CALN1: variants seen among roughly 807,000 people sequenced by gnomAD.
CALN1 encodes the protein calcium-binding protein 8.
A neutral mutation model predicts 30.6 loss-of-function variants in CALN1; 17 were observed. The observed-to-expected ratio is 0.56, with a 90% confidence interval of 0.38 to 0.83. The LOEUF (loss-of-function observed/expected upper bound fraction) is 0.83, where lower values mean the gene tolerates loss of function less well. CALN1 is among the 40% of genes least tolerant of loss of function. The probability of loss-of-function intolerance (pLI) is 0.00; values close to 1 mark genes in which losing one functional copy is unlikely to be tolerated. For synonymous variants in CALN1, 156 were observed against 131.4 expected, an observed-to-expected ratio of 1.19 and a Z score of -1.28; for missense variants, 291 against 354.9, an observed-to-expected ratio of 0.82 and a Z score of 1.45.
intron 2 of CALN1, among the ~76,000 whole-genome samples, chr7:72,360,722 C>T (rs1028428086): frequency 6.7e-6 from 1 of 148,602 alleles, no homozygotes; most frequent in African/African-American, 2.5e-5. Flanking sequence ...GCACGTGTAC[C>T]CTAGAACTTA....
intron 4 of CALN1, among the ~76,000 whole-genome samples, chr7:72,060,141 C>T (rs1051762953): frequency 6.6e-6 from 1 of 152,100 alleles, no homozygotes; most frequent in African/African-American, 2.4e-5. Flanking sequence ...CTCTAACATT[C>T]AGAGAGAGTG....
the CALN1 span, among the ~76,000 whole-genome samples, chr7:72,458,123 G>C: frequency 1.3e-5 from 1 of 74,264 alleles, no homozygotes; most frequent in Non-Finnish European, 3.2e-5. Flanking sequence ...ATGAAAATTG[G>C]TTTTATAAAT....
intron 4 of CALN1, among the ~76,000 whole-genome samples, chr7:72,077,264 A>AATTAT (rs1554432654): frequency 6.6e-6 from 1 of 151,100 alleles, no homozygotes; most frequent in Admixed American, 6.6e-5. Flanking sequence ...AAGAAGGAAT[A>AATTAT]TTTATTTTAT....
At chr7:72,288,499 C>T (rs1007237371) in intron 2 of CALN1, among the ~76,000 whole-genome samples, 2 of 152,100 alleles carry the variant, frequency 1.3e-5, no homozygotes, top group African/African-American at 4.8e-5. Context: ...AGGAATTAGA[C>T]TCCACCTTTT....
chr7:72,371,115 TTAA>T (rs947262496), intron 2 of CALN1, among the ~76,000 whole-genome samples: 4 of 152,068 alleles, frequency 2.6e-5, no homozygotes, highest in African/African-American at 4.8e-5. Context: ...TTTGTTCTTA[TTAA>T]TAATGCTTTT....
chr7:72,410,084 AT>A (rs1807013134), intron 1 of CALN1, among the ~76,000 whole-genome samples: 1 of 152,214 alleles, frequency 6.6e-6, no homozygotes, highest in Admixed American at 6.5e-5. Flanking sequence ...TGTGCGGGTC[AT>A]GCCATATGGT....
intron 4 of CALN1, among the ~76,000 whole-genome samples, chr7:72,077,123 C>T (rs1368054948): frequency 6.6e-6 from 1 of 152,030 alleles, no homozygotes; most frequent in African/African-American, 2.4e-5. Flanking sequence ...TAGTTCTGAC[C>T]GTTACACCTT....
intron 4 of CALN1, among the ~76,000 whole-genome samples, chr7:72,085,667 G>T (rs1805439391): frequency 6.6e-6 from 1 of 152,202 alleles, no homozygotes; most frequent in South Asian, 2.1e-4. Context: ...TGGGGTAATA[G>T]AAATGTTTTA....
At chr7:72,090,637 A>G (rs1270576470) in intron 4 of CALN1, among the ~76,000 whole-genome samples, 1 of 152,246 alleles carries the variant, frequency 6.6e-6, no homozygotes, top group East Asian at 1.9e-4. Context: ...TCGTGTTTAC[A>G]ACAGCATTAT....
At position 72,294,362 on chromosome 7, in the gene CALN1, CTATGTT is replaced by C. The variant is rs1460552260; in HGVS notation, c.120-15558_120-15553del. Among the ~76,000 whole-genome samples the C allele has an allele frequency of 3.9e-5, 6 of 152,062 alleles. 1 individual carries two copies. The highest frequency in any genetic ancestry group is 7.4e-5 in the Non-Finnish European group (5 of 67,994). ...CAAGTGAAAGATGATGAAGGTCATT[CTATGTT>C]TGAGGGTAAAATTCAAAATGATAGC... On this transcript the variant is annotated intron_variant, in intron 2 of 6. Coordinates refer to ENST00000395275, the MANE Select transcript of CALN1 (RefSeq NM_031468.4).
intron 5 of CALN1, among the ~76,000 whole-genome samples, chr7:71,920,906 G>A (rs1321964873): frequency 2.0e-5 from 3 of 152,088 alleles, no homozygotes; most frequent in South Asian, 4.1e-4. Flanking sequence ...ACATGCATAC[G>A]TATGTTTATT....
At chr7:72,185,862 G>T (rs1173975022) in intron 3 of CALN1, among the ~76,000 whole-genome samples, 13 of 152,204 alleles carry the variant, frequency 8.5e-5, no homozygotes, top group Non-Finnish European at 5.9e-5. Context: ...CTTCCCCCAT[G>T]ATTGCGAGGC....
At chr7:72,414,938 G>T (rs1020282638), upstream of CALN1, among the ~76,000 whole-genome samples, 22 of 152,208 alleles carry the variant, frequency 1.4e-4, no homozygotes, top group Admixed American at 7.9e-4. Context: ...GTTTGGGGAG[G>T]TCATTTTAAA....
chr7:71,973,400 T>A (rs1797947450), intron 5 of CALN1, among the ~76,000 whole-genome samples: 2 of 152,192 alleles, frequency 1.3e-5, no homozygotes, highest in Admixed American at 1.3e-4. Flanking sequence ...GGTCTCAAAC[T>A]CCTGACCTCA....
intron 3 of CALN1, among the ~76,000 whole-genome samples, chr7:72,208,214 T>C (rs1426999547): frequency 6.6e-6 from 1 of 152,216 alleles, no homozygotes. Flanking sequence ...TAGCTGCAAA[T>C]GTAGTTTTAA....
chr7:72,153,351 A>C (rs938064503), intron 3 of CALN1, among the ~76,000 whole-genome samples: 1 of 152,192 alleles, frequency 6.6e-6, no homozygotes, highest in Non-Finnish European at 1.5e-5. Flanking sequence ...GATCTTGGTC[A>C]GAAATTGTCT....
chr7:72,015,821 C>T (rs1800345562), intron 5 of CALN1, among the ~76,000 whole-genome samples: 1 of 152,142 alleles, frequency 6.6e-6, no homozygotes, highest in South Asian at 2.1e-4. Flanking sequence ...CCACTGTTAA[C>T]ATGAATGCTT....
At chr7:72,501,370 T>TAAAAAAA in the CALN1 span, among the ~76,000 whole-genome samples, 19 of 42,804 alleles carry the variant, frequency 4.4e-4, no homozygotes, top group Middle Eastern at 0.029. Context: ...ACGTCTCTAT[T>TAAAAAAA]AAAAAAAAAA....
At chr7:72,079,761 CTTTTTTTTTTTTT>C (rs3065015) in intron 4 of CALN1, among the ~76,000 whole-genome samples, 2 of 104,036 alleles carry the variant, frequency 1.9e-5, no homozygotes, top group African/African-American at 4.0e-5. Context: ...TGCCTTTTTC[CTTTTTTTTTTTTT>C]TTTTTTTTTT....
Sources: allele counts gnomAD v4.1 joint callset (sites outside exome capture counted in the v4.1 genomes callset), GRCh38; gene constraint gnomAD v4.1.1; transcripts MANE v1.5; gene names NCBI Gene and HGNC (gene_info 2026-07-23, HGNC 2026-07-21).